The following DOCK6 variants were observed in gnomAD, a reference collection of about 807,000 sequenced individuals.
DOCK6 encodes dedicator of cytokinesis 6, also known as dedicator of cytokinesis protein 6.
In DOCK6, 167 loss-of-function variants were observed where a neutral mutation model predicts 230.3. That is an observed-to-expected ratio of 0.73 (90% confidence interval 0.64 to 0.82). The LOEUF (loss-of-function observed/expected upper bound fraction) is 0.82. Among genes scored for constraint, DOCK6 ranks in the 40% least tolerant of loss-of-function variants. The probability of loss-of-function intolerance (pLI) is 0.00; values close to 1 mark genes in which losing one functional copy is unlikely to be tolerated. For synonymous variants in DOCK6, 1,148 were observed against 1,185.0 expected, an observed-to-expected ratio of 0.97 and a Z score of 0.64; for missense variants, 2,598 against 2,825.8, an observed-to-expected ratio of 0.92 and a Z score of 1.83.
rs576108168 is a variant in DOCK6 at position 11,217,030 on chromosome 19, C to T, written c.3778G>A (p.Val1260Met). The T allele has an allele frequency of 5.2e-5, 84 of 1,613,634 alleles. 1 individual carries two copies. In the South Asian group the frequency reaches 8.7e-4, roughly 17 times the overall value. ...SRTLLACVLW[V>M]LKNTEPALLQ... ...AGCGCCGGCTCGGTGTTTTTCAGCA[C>T]CCACAGCACACACGCCAGCAAGGTC... is the stretch of plus-strand genomic sequence containing the variant. The change falls in exon 30 of 48, where the codon GTG becomes ATG. Residue 1260 changes from valine to methionine, a missense_variant. Physicochemically the swap from Val to Met is conservative, Grantham distance 21 (BLOSUM62 1). Coordinates refer to ENST00000294618, the MANE Select transcript of DOCK6 (RefSeq NM_020812.4).
Position 11,227,322 on chromosome 19 carries a change from C to A in DOCK6, c.2955+15G>T. Reference sequence around the variant, plus strand: ...CCTCAGGTTTCTTCCCACATTGAGACCCTGCATCTCTCACCTTGTGGACAC... The same window carrying A: ...CCTCAGGTTTCTTCCCACATTGAGAACCTGCATCTCTCACCTTGTGGACAC... On this transcript the variant is annotated intron_variant, in intron 24 of 47. Coordinates refer to ENST00000294618, the MANE Select transcript of DOCK6 (RefSeq NM_020812.4). The A allele has an allele frequency of 1.2e-6, 2 of 1,612,676 alleles. No individual in the cohort carries two copies. The highest frequency in any genetic ancestry group is 1.1e-5 in the South Asian group (1 of 91,060).
At chr19:11,237,363 C>T in intron 18 of DOCK6, 93 bp downstream of exon 18, 1 of 1,451,118 alleles carries the variant, frequency 6.9e-7, no homozygotes. Context: ...TAGAGGATAA[C>T]AAGCCTCCCA....
intron 6 of DOCK6, 44 bp downstream of exon 6, chr19:11,250,830 C>T (rs1247130419): frequency 6.4e-7 from 1 of 1,569,410 alleles, no homozygotes; most frequent in Non-Finnish European, 8.7e-7. Context: ...ACAATAGGCA[C>T]CCAGTAAATG....
At position 11,227,393 on chromosome 19, in the gene DOCK6, C is replaced by T. The variant is rs1371924386; in HGVS notation, c.2899G>A (p.Asp967Asn). The T allele has an allele frequency of 6.2e-7, 1 of 1,613,820 alleles. No homozygotes were observed. Among genetic ancestry groups the T allele is most frequent in the Non-Finnish European group, 8.5e-7 (1 of 1,179,882 alleles). Residue 967 changes from aspartate (D) to asparagine (N), a missense_variant, in exon 24 of 48, where the codon GAC (aspartate) becomes AAC (asparagine). Coordinates refer to ENST00000294618, the MANE Select transcript of DOCK6 (RefSeq NM_020812.4). ...KLRFPGRFLD[D>N]ITALVGSVGL... ...ACAGAGCCCACCAAGGCAGTGATGT[C>T]GTCCAGGAAGCGTCCGGGGAAGCGC...
At chr19:11,237,381 CAGGA>C in intron 18 of DOCK6, 71 bp downstream of exon 18, 1 of 1,552,056 alleles carries the variant, frequency 6.4e-7, no homozygotes, top group Non-Finnish European at 8.9e-7. Context: ...CCAGGATTGA[CAGGA>C]AGGAAGGCAG....
chr19:11,211,996 C>T lies in DOCK6; in HGVS notation c.4647G>A (p.Glu1549=). 2 of 1,602,522 alleles carry T rather than the reference C, an allele frequency of 1.2e-6. No individual in the cohort carries two copies. Among genetic ancestry groups the T allele is most frequent in the Non-Finnish European group, 1.7e-6 (2 of 1,174,336 alleles). The part of the protein sequence containing the change: ...DMGLRDSTFA[E]QVQDLMFNLH... ...GCGGGGACCCAGCAGGTGTCACCTG[C>T]TCTGCGAAGGTGCTGTCCCGCAGCC... Residue 1549 remains glutamate (E), a synonymous_variant, in exon 36 of 48, where the codon GAG becomes GAA. Transcript: ENST00000294618.
rs778712821 is a variant in DOCK6 at position 11,232,349 on chromosome 19, A to G, written c.2718+854T>C. The G allele has an allele frequency of 1.9e-4, 240 of 1,238,542 alleles. 1 individual carries two copies. The highest frequency in any genetic ancestry group is 4.9e-4 in the Admixed American group (21 of 42,966). 76.7% of individuals were successfully genotyped at this position (1,238,542 alleles called of 1,614,324 possible). Reference sequence around the variant, plus strand: ...TGGAGGGCAGGGAAAGCAGCATGAAATACCAAGCGTGGACATGGTTCTGGA... The same window carrying G: ...TGGAGGGCAGGGAAAGCAGCATGAAGTACCAAGCGTGGACATGGTTCTGGA... On this transcript the variant is annotated intron_variant, in intron 22 of 47. Coordinates refer to ENST00000294618, the MANE Select transcript of DOCK6 (RefSeq NM_020812.4).
chr19:11,217,540 T>C, intron 28 of DOCK6, 149 bp from the exon 29 acceptor site: 1 of 1,035,710 alleles, frequency 9.7e-7, no homozygotes, highest in Admixed American at 2.3e-5. Flanking sequence ...GTGGATCACC[T>C]GAGGTCAGGA....
rs372217937 is a variant in DOCK6, at chr19:11,213,291, C to T, written c.4376G>A (p.Cys1459Tyr). The T allele has an allele frequency of 5.6e-6, 9 of 1,612,600 alleles. No homozygotes were observed. The highest frequency in any genetic ancestry group is 7.6e-6 in the Non-Finnish European group (9 of 1,179,874). The change falls in exon 35 of 48, where the codon TGT (cysteine) becomes TAT (tyrosine). Residue 1459 changes from cysteine to tyrosine, a missense_variant. Coordinates refer to ENST00000294618, the MANE Select transcript of DOCK6 (RefSeq NM_020812.4). ...ELLFEEDTEL[C>Y]ADLCLRLLRH... ...TAGGAGCCTCAGGCACAGGTCGGCA[C>T]ACAGCTCCGTGTCCTCCTCGAACAG...
Position 11,217,031 on chromosome 19 carries a change from C to T in DOCK6, c.3777G>A (p.Trp1259Ter). Residue 1259 changes from tryptophan (W) to a stop codon, truncating the protein, a stop_gained, in exon 30 of 48, where the codon TGG becomes TGA. Transcript: ENST00000294618. LOFTEE classifies it high-confidence loss of function. ...GCGCCGGCTCGGTGTTTTTCAGCAC[C>T]CACAGCACACACGCCAGCAAGGTCC... ...SSRTLLACVL[W>*]VLKNTEPALL... The T allele has an allele frequency of 6.2e-7, 1 of 1,613,624 alleles. No individual in the cohort carries two copies. The highest frequency in any genetic ancestry group is 8.5e-7 in the Non-Finnish European group (1 of 1,179,890).
In DOCK6 at chr19:11,253,008, TG is replaced by T. The variant is rs750559558; in HGVS notation, c.133-51del. On this transcript the variant is annotated intron_variant, in intron 2 of 47. Transcript: ENST00000294618. ...ATCGCACTACCTAGGAGGCTGAGAG[TG>T]GGGGCACGAGGCAGGGGTGGGTGCG... The T allele has an allele frequency of 7.8e-6, 12 of 1,540,286 alleles. No individual in the cohort carries two copies. In the Admixed American group the frequency reaches 2.4e-4, roughly 31 times the overall value.
chr19:11,213,153 C>A, intron 35 of DOCK6, 23 bp downstream of exon 35: 1 of 1,604,312 alleles, frequency 6.2e-7, no homozygotes. Context: ...ATGTGTGGAC[C>A]ATGCCTCCTA....
chr19:11,227,382 G>C lies in DOCK6; in HGVS notation c.2910C>G (p.Ala970=), dbSNP rs2079682883. ...FPGRFLDDIT[A]LVGSVGLEVI... ...CCTCCAGGCCCACAGAGCCCACCAA[G>C]GCAGTGATGTCGTCCAGGAAGCGTC... The change falls in exon 24 of 48, where the codon GCC becomes GCG. Residue 970 remains alanine (A), a synonymous_variant. Coordinates refer to ENST00000294618, the MANE Select transcript of DOCK6 (RefSeq NM_020812.4). The C allele has an allele frequency of 6.2e-7, 1 of 1,613,778 alleles. No homozygotes were observed. The highest frequency in any genetic ancestry group is 8.5e-7 in the Non-Finnish European group (1 of 1,179,910).
chr19:11,203,936 T>TG, intron 41 of DOCK6, 145 bp downstream of exon 41: 1 of 1,063,258 alleles, frequency 9.4e-7, no homozygotes, highest in Non-Finnish European at 1.4e-6. Context: ...AGGGAAATAA[T>TG]GGGGTGGGTC....
In DOCK6 at chr19:11,243,019, G is replaced by C. The variant is rs749314030; in HGVS notation, c.1480+40C>G. ...CAGTGTAGGTTTGTTGAGTGGCTGA[G>C]TGAGAGTGATACTTCTTGTGTATGG... On this transcript the variant is annotated intron_variant, in intron 13 of 47. Coordinates refer to ENST00000294618, the MANE Select transcript of DOCK6 (RefSeq NM_020812.4). The surrounding 1 kb of genome is among the most constrained non-coding windows in gnomAD (Gnocchi z 6.3). 6.2e-7 allele frequency: 1 copy of C among 1,609,030 alleles called. No homozygotes were observed. The highest frequency in any genetic ancestry group is 8.5e-7 in the Non-Finnish European group (1 of 1,176,998).
Position 11,213,460 on chromosome 19 carries a change from G to A in DOCK6, c.4339-132C>T, listed in dbSNP as rs143619193. The A allele has an allele frequency of 1.9e-4, 248 of 1,323,934 alleles. 3 individuals are homozygous for A. In the South Asian group the frequency reaches 2.7e-3, roughly 15 times the overall value. 82.0% of individuals were successfully genotyped at this position (1,323,934 alleles called of 1,614,324 possible). A position where few individuals can be genotyped will look rare whatever the true frequency, so the allele number is the denominator to read the frequency against. ...TCTTTGGCCAAGTACCACTGGGTTC[G>A]GAGTCAGACCTGGGTTTAAGCCCCT... On this transcript the variant is annotated intron_variant, in intron 34 of 47. Coordinates refer to ENST00000294618, the MANE Select transcript of DOCK6 (RefSeq NM_020812.4).
intron 21 of DOCK6, among the ~76,000 whole-genome samples, chr19:11,234,183 A>G (rs1348886738): frequency 6.6e-6 from 1 of 151,952 alleles, no homozygotes; most frequent in African/African-American, 2.4e-5. Context: ...CATTTTTAGT[A>G]GAAACGGGGT....
chr19:11,239,897 C>T (rs2079914567), intron 14 of DOCK6: 1 of 1,592,804 alleles, frequency 6.3e-7, no homozygotes, highest in Non-Finnish European at 8.5e-7. Flanking sequence ...GGCCGGGATG[C>T]AGCCCAGGAA....
chr19:11,230,602 T>G, intron 22 of DOCK6, among the ~76,000 whole-genome samples: 1 of 148,404 alleles, frequency 6.7e-6, no homozygotes, highest in Non-Finnish European at 1.5e-5. Context: ...AGTCAGTGAG[T>G]CTAGAGGACA....
Sources: allele counts gnomAD v4.1 joint callset (sites outside exome capture counted in the v4.1 genomes callset), GRCh38; gene constraint gnomAD v4.1.1; non-coding constraint Gnocchi (gnomAD v3.1); transcripts MANE v1.5; gene names NCBI Gene and HGNC (gene_info 2026-07-23, HGNC 2026-07-21).